NHSL2: variants seen among roughly 807,000 people sequenced by gnomAD.
NHSL2 encodes NHS like 2, also known as NHS-like protein 2.
Under a neutral mutation model 53.4 loss-of-function variants are expected in NHSL2, and 27 were observed. The ratio of observed to expected loss-of-function variants is 0.51; its 90% confidence interval spans 0.37 to 0.70. NHSL2 has a LOEUF of 0.70. Ranked by LOEUF, NHSL2 falls within the 30% of genes least tolerant of loss-of-function variation. The probability of loss-of-function intolerance (pLI) is 0.00; values close to 1 mark genes in which losing one functional copy is unlikely to be tolerated. For synonymous variants in NHSL2, 408 were observed against 404.1 expected, an observed-to-expected ratio of 1.01 and a Z score of -0.12; for missense variants, 892 against 980.1, an observed-to-expected ratio of 0.91 and a Z score of 1.20.
At position 72,140,406 on chromosome X, in the gene NHSL2, C is replaced by T. The variant is rs953091038; in HGVS notation, c.2858C>T (p.Ala953Val). 2 of 1,209,801 alleles carry T rather than the reference C, an allele frequency of 1.7e-6. No individual in the cohort carries two copies. Among genetic ancestry groups the T allele is most frequent in the South Asian group, 1.8e-5 (1 of 56,567 alleles). Residue 953 changes from alanine (A) to valine (V), a missense_variant, in exon 6 of 8, where the codon GCC (alanine) becomes GTC (valine). Coordinates refer to ENST00000633930, the MANE Select transcript of NHSL2 (RefSeq NM_001013627.3). Reference sequence around the variant, plus strand: ...TCATCTCTTGTTTTCACGCCTTTTGCCAGTTCCTCTGATGCTTTCTTCTCA... The same window carrying T: ...TCATCTCTTGTTTTCACGCCTTTTGTCAGTTCCTCTGATGCTTTCTTCTCA... Reference protein sequence around the residue: ...APSSLVFTPFASSSDAFFSGT... With the variant: ...APSSLVFTPFVSSSDAFFSGT...
At chrX:71,921,382 T>G (rs763884039) in intron 1 of NHSL2, among the ~76,000 whole-genome samples, 1 of 105,115 alleles carries the variant, frequency 9.5e-6, no homozygotes, top group Non-Finnish European at 1.9e-5. Flanking sequence ...ATTGTGCCAT[T>G]GCACTCCAGC....
chrX:72,050,859 A>G (rs1602332610), intron 1 of NHSL2, among the ~76,000 whole-genome samples: 2 of 109,358 alleles, frequency 1.8e-5, no homozygotes, highest in South Asian at 4.1e-4. Flanking sequence ...ACTGTACTCC[A>G]GCCTGGGTGA....
At chrX:72,041,649 G>A (rs1470695924) in intron 1 of NHSL2, among the ~76,000 whole-genome samples, 2 of 112,017 alleles carry the variant, frequency 1.8e-5, no homozygotes, top group Non-Finnish European at 3.8e-5. Flanking sequence ...CTTCTCCTCC[G>A]CACACAGTCC....
At chrX:71,984,878 C>T (rs1038387494) in intron 1 of NHSL2, among the ~76,000 whole-genome samples, 1 of 101,717 alleles carries the variant, frequency 9.8e-6, no homozygotes, top group Non-Finnish European at 2.0e-5. Context: ...GGCTGGAGTG[C>T]AGTGGCACGA....
chrX:72,025,020 C>A (rs1461747314), intron 1 of NHSL2, among the ~76,000 whole-genome samples: 1 of 111,514 alleles, frequency 9.0e-6, no homozygotes, highest in East Asian at 2.8e-4. Flanking sequence ...AACTTAGTGC[C>A]TATTGACCAA....
At chrX:72,029,332 A>G (rs773476402) in intron 1 of NHSL2, among the ~76,000 whole-genome samples, 2 of 111,735 alleles carry the variant, frequency 1.8e-5, no homozygotes, top group East Asian at 5.7e-4. Flanking sequence ...ACTTCAGCTG[A>G]GAGGGCTGAA....
At chrX:72,056,032 C>T (rs1216944583) in intron 1 of NHSL2, among the ~76,000 whole-genome samples, 1 of 111,896 alleles carries the variant, frequency 8.9e-6, no homozygotes, top group Non-Finnish European at 1.9e-5. Flanking sequence ...GTGTAAATAA[C>T]CATGGAATAC....
chrX:72,035,400 A>G (rs1405471210), intron 1 of NHSL2, among the ~76,000 whole-genome samples: 2 of 111,129 alleles, frequency 1.8e-5, no homozygotes, highest in African/African-American at 6.5e-5. Flanking sequence ...GTGTTGTTGA[A>G]TTCTTCTTCT....
chrX:72,117,664 A>G (rs2042150017), intron 1 of NHSL2, among the ~76,000 whole-genome samples: 1 of 110,566 alleles, frequency 9.0e-6, no homozygotes, highest in South Asian at 3.8e-4. Flanking sequence ...TCTATTCTGG[A>G]CATGCCATAG....
intron 1 of NHSL2, among the ~76,000 whole-genome samples, chrX:72,062,183 T>C (rs2042402921): frequency 8.9e-6 from 1 of 112,329 alleles, no homozygotes; most frequent in African/African-American, 3.2e-5. Flanking sequence ...ACTTTCTTTT[T>C]GTCTTCTTCC....
intron 1 of NHSL2, 47 bp downstream of exon 1, chrX:71,911,414 T>C: frequency 1.0e-6 from 1 of 1,004,433 alleles, no homozygotes; most frequent in Non-Finnish European, 1.3e-6. Flanking sequence ...CTACCCCGCC[T>C]CTAGGGGCGC....
At chrX:72,008,865 C>A (rs1202480441) in intron 1 of NHSL2, among the ~76,000 whole-genome samples, 2 of 111,924 alleles carry the variant, frequency 1.8e-5, no homozygotes, top group Non-Finnish European at 3.8e-5. Context: ...ATTTTAGTAT[C>A]CCTGTCACCA....
At chrX:72,107,786 A>G (rs1248337824) in intron 1 of NHSL2, among the ~76,000 whole-genome samples, 3 of 112,074 alleles carry the variant, frequency 2.7e-5, no homozygotes, top group Non-Finnish European at 3.8e-5. Flanking sequence ...ATTCTAGAGC[A>G]AAGGAACAAT....
In NHSL2 at chrX:71,949,285, C is replaced by T. The variant is rs765421831; in HGVS notation, c.280+37918C>T. 1.2e-4 allele frequency among the ~76,000 whole-genome samples: 13 copies of T among 111,037 alleles called. No homozygotes were observed. The South Asian group carries it at 5.0e-3, about 43-fold the overall frequency. ...CATAGAGGGGCTGATAGAGAGGAAC[C>T]TGGGCTGGGCGTGGGTGAGAAGGCA... On this transcript the variant is annotated intron_variant, in intron 1 of 7. Coordinates refer to ENST00000633930, the MANE Select transcript of NHSL2 (RefSeq NM_001013627.3).
chrX:71,988,594 G>T (rs751178432), intron 1 of NHSL2, among the ~76,000 whole-genome samples: 1 of 110,505 alleles, frequency 9.0e-6, no homozygotes. Context: ...CCCCTAAATT[G>T]GGCCTCTAAC....
chrX:72,095,864 T>C (rs1405780047), intron 1 of NHSL2, among the ~76,000 whole-genome samples: 1 of 111,580 alleles, frequency 9.0e-6, no homozygotes, highest in Non-Finnish European at 1.9e-5. Flanking sequence ...ATTCTGAGCA[T>C]CAAATGAAGT....
At chrX:72,061,590 G>T (rs1306666122) in intron 1 of NHSL2, among the ~76,000 whole-genome samples, 2 of 112,027 alleles carry the variant, frequency 1.8e-5, no homozygotes, top group Non-Finnish European at 3.8e-5. Flanking sequence ...CTTCCCTCCA[G>T]CCCTTTGTTT....
intron 1 of NHSL2, among the ~76,000 whole-genome samples, chrX:72,112,715 A>G (rs1270222576): frequency 2.7e-5 from 3 of 111,013 alleles, no homozygotes; most frequent in Non-Finnish European, 3.8e-5. Context: ...TTTGAGATGC[A>G]GTCTCGTTCT....
chrX:72,144,621 G>C lies in NHSL2; in HGVS notation c.*1047G>C. 3 of 846,749 alleles carry C rather than the reference G, an allele frequency of 3.5e-6. No homozygotes were observed. Among genetic ancestry groups the C allele is most frequent in the Non-Finnish European group, 4.9e-6 (3 of 616,638 alleles). The allele number at this position is 846,749 out of a possible 1,213,427, so 69.8% of individuals were successfully genotyped here. ...TTTTGTTTAAAGGAAGTCCGACTCTGTTCCAAAAACCAAGAACATATAAAC... is the reference window on the plus strand; with the variant it reads ...TTTTGTTTAAAGGAAGTCCGACTCTCTTCCAAAAACCAAGAACATATAAAC... On this transcript the variant is annotated 3_prime_UTR_variant, in exon 8 of 8. Transcript: ENST00000633930.
Sources: gnomAD v4.1 joint callset for allele counts (sites outside exome capture counted in the v4.1 genomes callset) on GRCh38, gnomAD v4.1.1 for gene constraint, MANE v1.5 for transcripts, NCBI Gene and HGNC (gene_info 2026-07-23, HGNC 2026-07-21) for gene names.